The following BMP6 variants were observed in gnomAD, a reference collection of about 807,000 sequenced individuals.
BMP6 encodes bone morphogenetic protein 6.
BMP6 carries 17 observed loss-of-function variants against 54.1 expected under a neutral mutation model. The ratio of observed to expected loss-of-function variants is 0.31; its 90% CI spans 0.22 to 0.47. The LOEUF (loss-of-function observed/expected upper bound fraction) is 0.47, where lower values mean the gene tolerates loss of function less well. Ranked by LOEUF, BMP6 falls within the 20% of genes least tolerant of loss-of-function variation. BMP6 has a pLI of 1.00. For synonymous variants in BMP6, 328 were observed against 291.2 expected (o/e 1.13, Z -1.28); for missense variants, 720 against 690.4 (o/e 1.04, Z -0.48).
chr6:7,793,021 T>C (rs544116457), intron 1 of BMP6, among the ~76,000 whole-genome samples: 2 of 152,298 alleles, frequency 1.3e-5, no homozygotes, highest in Admixed American at 1.3e-4. Flanking sequence ...TTTATTATCT[T>C]ATAAATTGGT....
intron 1 of BMP6, among the ~76,000 whole-genome samples, chr6:7,773,174 T>C (rs896826615): frequency 1.3e-5 from 2 of 152,210 alleles, no homozygotes; most frequent in Non-Finnish European, 2.9e-5. Context: ...GTAGTGCTGT[T>C]TCTTGTACCT....
intron 1 of BMP6, among the ~76,000 whole-genome samples, chr6:7,828,630 A>G (rs750015745): frequency 2.0e-5 from 3 of 152,182 alleles, no homozygotes; most frequent in Non-Finnish European, 4.4e-5. Flanking sequence ...CCCTCATTCA[A>G]CAGACATATA....
Position 7,800,914 on chromosome 6 carries a change from G to C in BMP6, c.665-44226G>C, listed in dbSNP as rs374119936. On this transcript the variant is annotated intron_variant, in intron 1 of 6. Coordinates refer to ENST00000283147, the MANE Select transcript of BMP6 (RefSeq NM_001718.6). ...TGGTCATAAAATAAAGCGGGGGGAG[G>C]GGGGGGCACATGTCCTTGACCTTGG... is the stretch of plus-strand genomic sequence containing the variant. Among the ~76,000 whole-genome samples, 37 of 150,906 alleles carry C rather than the reference G, an allele frequency of 2.5e-4. 1 individual carries two copies. Among genetic ancestry groups the C allele is most frequent in the Admixed American group, 2.1e-3 (32 of 15,140 alleles).
intron 1 of BMP6, among the ~76,000 whole-genome samples, chr6:7,728,510 C>T (rs1380525520): frequency 6.6e-6 from 1 of 152,154 alleles, no homozygotes; most frequent in Non-Finnish European, 1.5e-5. Flanking sequence ...GCCCTTTCTC[C>T]CCCCTCCCAC....
At chr6:7,767,443 T>G (rs565370412) in intron 1 of BMP6, among the ~76,000 whole-genome samples, 1 of 152,324 alleles carries the variant, frequency 6.6e-6, no homozygotes, top group East Asian at 1.9e-4. Flanking sequence ...CCCTGCATGA[T>G]CATCAGAGCA....
chr6:7,769,689 T>C (rs1250372930), intron 1 of BMP6, among the ~76,000 whole-genome samples: 1 of 151,974 alleles, frequency 6.6e-6, no homozygotes, highest in Non-Finnish European at 1.5e-5. Flanking sequence ...AAAACAATTC[T>C]TGTTACAATG....
rs183022387 is a variant in BMP6 at position 7,735,348 on chromosome 6, T to G, written c.664+7729T>G. On this transcript the variant is annotated intron_variant, in intron 1 of 6. Coordinates refer to ENST00000283147, the MANE Select transcript of BMP6 (RefSeq NM_001718.6). ...GAACCATATCATTGGTAAGAGCTGA[T>G]TAGGCCAGGAGATTTCTTATAATAT... Among the ~76,000 whole-genome samples the G allele has an allele frequency of 9.4e-3, 1,432 of 152,324 alleles. 10 individuals carry two copies. Among genetic ancestry groups the G allele is most frequent in the Non-Finnish European group, 0.016 (1,104 of 68,018 alleles).
chr6:7,880,801 T>C lies in BMP6; in HGVS notation c.*458T>C, dbSNP rs1581298674. The C allele has an allele frequency of 5.3e-6, 1 of 188,084 alleles. No individual in the cohort carries two copies. The highest frequency in any genetic ancestry group is 1.2e-4 in the South Asian group (1 of 8,654). 11.7% of individuals were successfully genotyped at this position (188,084 alleles called of 1,614,324 possible). A position where few individuals can be genotyped will look rare whatever the true frequency, so the allele number is the denominator to read the frequency against. ...TTACAGAGAACAGAAATCGGGGAAG[T>C]GGGGGGAACGCCTCTGTTCAGTTCA... On this transcript the variant is annotated 3_prime_UTR_variant, in exon 7 of 7. Coordinates refer to ENST00000283147, the MANE Select transcript of BMP6 (RefSeq NM_001718.6).
intron 1 of BMP6, among the ~76,000 whole-genome samples, chr6:7,764,144 G>C (rs970876645): frequency 7.2e-5 from 11 of 152,206 alleles, no homozygotes; most frequent in African/African-American, 2.4e-4. Flanking sequence ...CCGTATTCCA[G>C]GAGAGGCCAT....
At chr6:7,771,667 TAGGC>T (rs1257910219) in intron 1 of BMP6, among the ~76,000 whole-genome samples, 1 of 140,548 alleles carries the variant, frequency 7.1e-6, no homozygotes, top group Admixed American at 7.8e-5. Context: ...ACTGAAGACT[TAGGC>T]AGGGCATGGA....
chr6:7,852,924 T>C (rs1309698966), intron 2 of BMP6, among the ~76,000 whole-genome samples: 1 of 151,756 alleles, frequency 6.6e-6, no homozygotes, highest in East Asian at 1.9e-4. Flanking sequence ...ATGAGCTCAT[T>C]TCCATGCAGC....
intron 2 of BMP6, among the ~76,000 whole-genome samples, chr6:7,848,089 T>G (rs1177755223): frequency 2.0e-5 from 3 of 152,190 alleles, no homozygotes; most frequent in Non-Finnish European, 2.9e-5. Flanking sequence ...TCTTGCTCAT[T>G]CTTGTGCAGA....
chr6:7,737,792 A>G (rs1275257270), intron 1 of BMP6, among the ~76,000 whole-genome samples: 1 of 152,152 alleles, frequency 6.6e-6, no homozygotes, highest in Admixed American at 6.5e-5. Flanking sequence ...GGAGTTTTCT[A>G]CCACAGAAAT....
chr6:7,760,757 C>T lies in BMP6; in HGVS notation c.664+33138C>T, dbSNP rs13212780. 2.2e-4 allele frequency among the ~76,000 whole-genome samples: 33 copies of T among 152,292 alleles called. No individual in the cohort carries two copies. The South Asian group carries it at 4.1e-3, about 19-fold the overall frequency. On this transcript the variant is annotated intron_variant, in intron 1 of 6. Coordinates refer to ENST00000283147, the MANE Select transcript of BMP6 (RefSeq NM_001718.6). ...TGCGGGGATTACAGGCGTGAGCCAC[C>T]GTGCCTGGCTGGACCGTAGTGTTTT...
chr6:7,800,916 G>C (rs1758260514), intron 1 of BMP6, among the ~76,000 whole-genome samples: 1 of 150,988 alleles, frequency 6.6e-6, no homozygotes, highest in African/African-American at 2.4e-5. Context: ...GGGGGGAGGG[G>C]GGGGCACATG....
At chr6:7,844,373 A>G (rs1759025559) in intron 1 of BMP6, among the ~76,000 whole-genome samples, 3 of 149,998 alleles carry the variant, frequency 2.0e-5, no homozygotes, top group South Asian at 4.2e-4. Context: ...GTAAACCATG[A>G]GAAAATAGCA....
chr6:7,765,060 A>T (rs1405639072), intron 1 of BMP6, among the ~76,000 whole-genome samples: 1 of 152,194 alleles, frequency 6.6e-6, no homozygotes, highest in Non-Finnish European at 1.5e-5. Context: ...GGCTTTTTGC[A>T]GTTGTATTCC....
chr6:7,752,851 T>C (rs1271404094), intron 1 of BMP6, among the ~76,000 whole-genome samples: 1 of 152,276 alleles, frequency 6.6e-6, no homozygotes, highest in South Asian at 2.1e-4. Flanking sequence ...TCATGTGTTT[T>C]CCCCCTTTTC....
rs1758307583 is a variant in BMP6 at position 7,803,796 on chromosome 6, G to T, written c.665-41344G>T. Among the ~76,000 whole-genome samples, 5 of 152,074 alleles carry T rather than the reference G, an allele frequency of 3.3e-5. No individual in the cohort carries two copies. The South Asian group carries it at 1.0e-3, about 32-fold the overall frequency. On this transcript the variant is annotated intron_variant, in intron 1 of 6. Transcript: ENST00000283147. ...CAGGTCGGGCCTAACAATTGCTAGTGTATTGTTTAATTGGCCATGCTTTTC... is the reference window on the plus strand; with the variant it reads ...CAGGTCGGGCCTAACAATTGCTAGTTTATTGTTTAATTGGCCATGCTTTTC...
Sources: gnomAD v4.1 joint callset for allele counts (sites outside exome capture counted in the v4.1 genomes callset) on GRCh38, gnomAD v4.1.1 for gene constraint, MANE v1.5 for transcripts, NCBI Gene and HGNC (gene_info 2026-07-23, HGNC 2026-07-21) for gene names.